Variants in HTR4 observed in about 807,000 individuals in gnomAD.
HTR4 encodes the protein 5-hydroxytryptamine receptor 4, also known as 5-hydroxytryptamine (serotonin) receptor 4, G protein-coupled.
HTR4 carries 16 observed loss-of-function variants against 36.8 expected under a neutral mutation model. The ratio of observed to expected loss-of-function variants is 0.43; its 90% CI spans 0.29 to 0.66. The LOEUF is 0.66. Among genes scored for constraint, HTR4 ranks in the 30% least tolerant of loss-of-function variants. HTR4 has a pLI of 0.13. For synonymous variants in HTR4, 189 were observed against 185.1 expected (o/e 1.02, Z -0.17); for missense variants, 438 against 490.9 (o/e 0.89, Z 1.02).
chr5:148,590,515 C>A (rs1019135869), intron 2 of HTR4, among the ~76,000 whole-genome samples: 1 of 151,508 alleles, frequency 6.6e-6, no homozygotes, highest in African/African-American at 2.4e-5. Flanking sequence ...TTTATTTTTA[C>A]AGAACAGCAG....
At chr5:148,639,952 T>C (rs1753673039) in intron 1 of HTR4, among the ~76,000 whole-genome samples, 2 of 152,136 alleles carry the variant, frequency 1.3e-5, no homozygotes, top group Admixed American at 1.3e-4. Flanking sequence ...TACTACGTGT[T>C]AATAAGTACC....
At position 148,482,017 on chromosome 5, in the gene HTR4, A is replaced by G; in HGVS notation, c.*1186T>C. 1.0e-6 allele frequency: 1 copy of G among 995,712 alleles called. No homozygotes were observed. 61.7% of individuals were successfully genotyped at this position (995,712 alleles called of 1,614,324 possible). ...CAGAAAGAAAACTTAAAGGTCCTCT[A>G]GTCCAAGCTTGAGTGCACAGATGTG... On this transcript the variant is annotated 3_prime_UTR_variant, in exon 7 of 7. Transcript: ENST00000377888.
chr5:148,454,776 G>T (rs1284846673), intron 5 of HTR4, among the ~76,000 whole-genome samples: 3 of 152,178 alleles, frequency 2.0e-5, no homozygotes, highest in African/African-American at 7.2e-5. Flanking sequence ...GAGAAGTGAG[G>T]CTCATAGCAG....
At chr5:148,473,830 A>G (rs549318514), downstream of HTR4, among the ~76,000 whole-genome samples, 1 of 152,258 alleles carries the variant, frequency 6.6e-6, no homozygotes, top group African/African-American at 2.4e-5. Context: ...TGGAATCACA[A>G]TCCATGTCTT....
downstream of HTR4, chr5:148,481,437 C>T: frequency 1.2e-6 from 1 of 840,832 alleles, no homozygotes; most frequent in East Asian, 2.6e-5. Context: ...AGATATTTCT[C>T]ACGAATTCTG....
intron 2 of HTR4, among the ~76,000 whole-genome samples, chr5:148,622,324 C>T (rs749333750): frequency 2.0e-5 from 3 of 152,208 alleles, no homozygotes; most frequent in Non-Finnish European, 4.4e-5. Flanking sequence ...AATCTTTCCT[C>T]ATGTACCTGT....
intron 2 of HTR4, among the ~76,000 whole-genome samples, chr5:148,561,981 G>A (rs770257420): frequency 6.6e-6 from 1 of 152,172 alleles, no homozygotes; most frequent in Non-Finnish European, 1.5e-5. Flanking sequence ...CTGTTGCCAA[G>A]TACTATGGTT....
chr5:148,622,761 C>T (rs563155262), intron 2 of HTR4, among the ~76,000 whole-genome samples: 4 of 152,182 alleles, frequency 2.6e-5, no homozygotes, highest in East Asian at 1.9e-4. Flanking sequence ...TGTGAAAGCA[C>T]GTTGTAAATT....
chr5:148,569,850 AT>A (rs1436697209), intron 2 of HTR4, among the ~76,000 whole-genome samples: 2 of 152,046 alleles, frequency 1.3e-5, no homozygotes, highest in Non-Finnish European at 2.9e-5. Context: ...AATCATAAAT[AT>A]TTTGGGCAGG....
At chr5:148,555,878 T>C (rs1270175265) in intron 2 of HTR4, among the ~76,000 whole-genome samples, 8 of 152,126 alleles carry the variant, frequency 5.3e-5, no homozygotes, top group Middle Eastern at 3.4e-3. Flanking sequence ...TAAAGTATGA[T>C]AAATAAGTGA....
chr5:148,523,829 T>C (rs1758137765), intron 4 of HTR4, among the ~76,000 whole-genome samples: 1 of 152,176 alleles, frequency 6.6e-6, no homozygotes, highest in African/African-American at 2.4e-5. Flanking sequence ...TTGAGGAGCC[T>C]CTGCCCAGCC....
intron 2 of HTR4, among the ~76,000 whole-genome samples, chr5:148,615,741 A>ATAAAATAAAG (rs1561652147): frequency 4.6e-5 from 7 of 151,852 alleles, no homozygotes; most frequent in Admixed American, 1.3e-4. Flanking sequence ...ATAAAATAAA[A>ATAAAATAAAG]TAAAGCTCCT....
At chr5:148,499,776 C>T (rs1475929152) in intron 6 of HTR4, among the ~76,000 whole-genome samples, 1 of 152,174 alleles carries the variant, frequency 6.6e-6, no homozygotes, top group Non-Finnish European at 1.5e-5. Context: ...GTGGAGGCCA[C>T]ATGAATGGCT....
At chr5:148,504,715 T>C (rs1219453943) in intron 6 of HTR4, among the ~76,000 whole-genome samples, 4 of 152,030 alleles carry the variant, frequency 2.6e-5, no homozygotes, top group Non-Finnish European at 4.4e-5. Flanking sequence ...GCTGGTTTTT[T>C]GAAAAGATCA....
intron 2 of HTR4, among the ~76,000 whole-genome samples, chr5:148,574,621 A>G (rs1014939968): frequency 1.3e-5 from 2 of 152,086 alleles, no homozygotes; most frequent in African/African-American, 4.8e-5. Flanking sequence ...TGTAGTACAC[A>G]GGAAAGCACC....
chr5:148,514,949 T>C (rs1472309305), intron 5 of HTR4, among the ~76,000 whole-genome samples: 3 of 152,154 alleles, frequency 2.0e-5, no homozygotes, highest in Non-Finnish European at 2.9e-5. Context: ...ACAAGCAGCA[T>C]ATATTTGTAT....
intron 2 of HTR4, among the ~76,000 whole-genome samples, chr5:148,606,309 G>A (rs181725205): frequency 6.5e-4 from 99 of 152,218 alleles, no homozygotes; most frequent in African/African-American, 2.3e-3. Context: ...ATACAGCTAG[G>A]ACACCTGGCA....
chr5:148,625,788 C>A (rs972635842), intron 2 of HTR4, among the ~76,000 whole-genome samples: 2 of 152,138 alleles, frequency 1.3e-5, no homozygotes, highest in South Asian at 4.2e-4. Context: ...ACCATGTTGG[C>A]CAGGATGGTC....
At chr5:148,603,388 C>G (rs1762062643) in intron 2 of HTR4, among the ~76,000 whole-genome samples, 1 of 151,474 alleles carries the variant, frequency 6.6e-6, no homozygotes, top group Admixed American at 6.6e-5. Context: ...TTTTGTAATC[C>G]CAAAGAACAC....
Sources: gnomAD v4.1 joint callset for allele counts (sites outside exome capture counted in the v4.1 genomes callset) on GRCh38, gnomAD v4.1.1 for gene constraint, MANE v1.5 for transcripts, NCBI Gene and HGNC (gene_info 2026-07-23, HGNC 2026-07-21) for gene names.